UAP1: variants seen among roughly 807,000 people sequenced by gnomAD.
UAP1 encodes the protein UDP-N-acetylhexosamine pyrophosphorylase.
UAP1 carries 25 observed loss-of-function variants against 58.5 expected under a neutral mutation model. The ratio of observed to expected loss-of-function variants is 0.43; its 90% CI spans 0.31 to 0.60. The LOEUF is 0.60. Among genes scored for constraint, UAP1 ranks in the 20% least tolerant of loss-of-function variants. The pLI is 0.11. For synonymous variants in UAP1, 208 were observed against 213.0 expected, an observed-to-expected ratio of 0.98 and a Z score of 0.21; for missense variants, 575 against 630.0, an observed-to-expected ratio of 0.91 and a Z score of 0.93.
intron 8 of UAP1, among the ~76,000 whole-genome samples, chr1:162,591,790 T>A (rs914799740): frequency 2.1e-5 from 3 of 141,336 alleles, no homozygotes; most frequent in South Asian, 4.3e-4. Flanking sequence ...CTGGCCAATC[T>A]TTTTTTTTTT....
intron 2 of UAP1, among the ~76,000 whole-genome samples, chr1:162,570,737 G>T (rs1159543882): frequency 6.6e-6 from 1 of 151,848 alleles, no homozygotes; most frequent in Non-Finnish European, 1.5e-5. Context: ...AAAAATTAAA[G>T]ACTTAAATTA....
intron 4 of UAP1, among the ~76,000 whole-genome samples, chr1:162,580,932 T>TA (rs1654547812): frequency 6.6e-6 from 1 of 152,216 alleles, no homozygotes; most frequent in Admixed American, 6.5e-5. Context: ...ACTTGAATCA[T>TA]ACAAATGTTA....
chr1:162,582,767 A>G (rs1173291798), intron 5 of UAP1, among the ~76,000 whole-genome samples: 1 of 152,228 alleles, frequency 6.6e-6, no homozygotes, highest in Admixed American at 6.5e-5. Context: ...TTTAAAAAGA[A>G]GATCTGCCAA....
In UAP1 at chr1:162,599,285, T is replaced by C. The variant is rs750950615; in HGVS notation, c.1491T>C (p.Tyr497=). 9 of 1,611,604 alleles carry C rather than the reference T, an allele frequency of 5.6e-6. 1 individual carries two copies. The East Asian group carries it at 1.3e-4, about 24-fold the overall frequency. Residue 497 remains tyrosine, a synonymous_variant, in exon 11 of 11, where the codon TAT becomes TAC. Coordinates refer to ENST00000271469, the Ensembl canonical transcript of UAP1. ...CCTCTTTTTAGGGATTAGAAAGTTA[T>C]GTGGCAGATAAAGAATTCCATGCAC...
rs545882319 is a variant in UAP1, at chr1:162,591,895, C to A, written c.1359-837C>A. Among the ~76,000 whole-genome samples the A allele has an allele frequency of 7.9e-5, 12 of 152,260 alleles. No individual in the cohort carries two copies. The South Asian group carries it at 2.5e-3, about 32-fold the overall frequency. ...CACTTCCTGGGCTTAAACAATACAC[C>A]CGCCTTGGCCACCCAAAGTGCTGGG... is the stretch of plus-strand genomic sequence containing the variant. On this transcript the variant is annotated intron_variant, in intron 8 of 10. Coordinates refer to ENST00000271469, the Ensembl canonical transcript of UAP1.
chr1:162,590,674 T>C (rs543798782), intron 8 of UAP1, among the ~76,000 whole-genome samples, 163 bp downstream of exon 8: 1 of 152,314 alleles, frequency 6.6e-6, no homozygotes, highest in South Asian at 2.1e-4. Context: ...TTGCCTATTA[T>C]AAAGAGAATG....
At chr1:162,588,363 A>T (rs968054420) in intron 6 of UAP1, among the ~76,000 whole-genome samples, 1 of 152,184 alleles carries the variant, frequency 6.6e-6, no homozygotes, top group African/African-American at 2.4e-5. Flanking sequence ...ATTCTATGCC[A>T]TTTGTAGCTG....
intron 2 of UAP1, among the ~76,000 whole-genome samples, chr1:162,570,461 T>G (rs1653795398): frequency 6.6e-6 from 1 of 152,166 alleles, no homozygotes; most frequent in South Asian, 2.1e-4. Context: ...GCTTTCTCTC[T>G]CCCTCTTTTT....
chr1:162,590,134 G>T (rs1028560779), intron 7 of UAP1, among the ~76,000 whole-genome samples, 189 bp from the exon 8 acceptor site: 4 of 151,164 alleles, frequency 2.6e-5, no homozygotes, highest in Non-Finnish European at 4.4e-5. Flanking sequence ...GGGGGGAAAT[G>T]ATTTCTCATT....
exon 3 of UAP1, chr1:162,576,849 T>C (rs757280826): frequency 1.2e-6 from 2 of 1,614,174 alleles, no homozygotes; most frequent in Non-Finnish European, 1.7e-6. Flanking sequence ...AGACTCGGCG[T>C]TGCATATCCT....
At chr1:162,587,484 A>C (rs1384403593) in exon 6 of UAP1, 1 of 1,607,286 alleles carries the variant, frequency 6.2e-7, no homozygotes. Flanking sequence ...GGTGGTAGAG[A>C]AAACGAACCC....
At chr1:162,586,914 G>A (rs1654933260) in intron 5 of UAP1, among the ~76,000 whole-genome samples, 2 of 152,048 alleles carry the variant, frequency 1.3e-5, no homozygotes, top group South Asian at 4.1e-4. Flanking sequence ...AGTTGGAGTG[G>A]GAGGCTAGTG....
chr1:162,567,726 T>TA (rs1318303687), intron 2 of UAP1, among the ~76,000 whole-genome samples: 3 of 152,210 alleles, frequency 2.0e-5, no homozygotes, highest in Non-Finnish European at 4.4e-5. Context: ...AGATTGCCCA[T>TA]AATCTCATCA....
chr1:162,562,185 G>T (rs767856302), intron 1 of UAP1, among the ~76,000 whole-genome samples: 1 of 151,684 alleles, frequency 6.6e-6, no homozygotes, highest in Non-Finnish European at 1.5e-5. Context: ...GAGACCTCGA[G>T]GCTCTCAGGC....
Position 162,587,464 on chromosome 1 carries a change from C to G in UAP1, c.835-11C>G. 1 of 1,588,462 alleles carries G rather than the reference C, an allele frequency of 6.3e-7. No homozygotes were observed. Among genetic ancestry groups the G allele is most frequent in the Non-Finnish European group, 8.6e-7 (1 of 1,164,516 alleles). On this transcript the variant is annotated splice_polypyrimidine_tract_variant and intron_variant, in intron 5 of 10. Transcript: ENST00000271469. ...CAATTTCCTCCTCTACTGTTTTTCT[C>G]TGGTGGACAGGTGGTAGAGAAAACG...
At chr1:162,579,463 C>T in exon 4 of UAP1, 2 of 1,602,360 alleles carry the variant, frequency 1.2e-6, no homozygotes, top group South Asian at 1.1e-5. Flanking sequence ...ATGGAATCTA[C>T]AAAGGAGTTC....
At chr1:162,566,222 G>A in exon 2 of UAP1, 6 of 1,614,084 alleles carry the variant, frequency 3.7e-6, no homozygotes, top group Non-Finnish European at 5.1e-6. Flanking sequence ...TTTCCAAAAG[G>A]CCATTGAAGG....
chr1:162,588,921 A>G, intron 7 of UAP1, 88 bp downstream of exon 7: 1 of 1,300,610 alleles, frequency 7.7e-7, no homozygotes, highest in Non-Finnish European at 1.0e-6. Context: ...TTTTCAGGAA[A>G]CATTTGATAG....
rs868166834 is a variant in UAP1, at chr1:162,591,746, A to C, written c.1359-986A>C. ...GGTGATCCGCCCGCTTTGGCCTCCC[A>C]AAGTGCTGGGATTACAGGCGTGAGC... On this transcript the variant is annotated intron_variant, in intron 8 of 10. Coordinates refer to ENST00000271469, the Ensembl canonical transcript of UAP1. Among the ~76,000 whole-genome samples the C allele has an allele frequency of 1.4e-4, 21 of 151,240 alleles. 1 individual carries two copies. In the Middle Eastern group the frequency reaches 0.014, roughly 103 times the overall value.
Sources: allele counts gnomAD v4.1 joint callset (sites outside exome capture counted in the v4.1 genomes callset), GRCh38; gene constraint gnomAD v4.1.1; transcripts MANE v1.5; gene names NCBI Gene and HGNC (gene_info 2026-07-23, HGNC 2026-07-21).